MYO1B: variants seen among roughly 807,000 people sequenced by gnomAD.
The protein encoded by MYO1B is unconventional myosin-Ib.
A neutral mutation model predicts 159.7 loss-of-function variants in MYO1B; 72 were observed. The observed-to-expected ratio is 0.45, with a 90% CI of 0.37 to 0.55. MYO1B has a LOEUF of 0.55. MYO1B is among the 20% of genes least tolerant of loss of function. MYO1B has a pLI of 0.00. For missense variants in MYO1B, 1,062 were observed against 1,364.8 expected (o/e 0.78, Z 3.50); for synonymous variants, 468 against 473.8 (o/e 0.99, Z 0.16).
At chr2:191,422,187 TTGAC>T (rs2126201093) in intron 30 of MYO1B, among the ~76,000 whole-genome samples, 1 of 152,324 alleles carries the variant, frequency 6.6e-6, no homozygotes, top group East Asian at 1.9e-4. Flanking sequence ...TAATGTGCCA[TTGAC>T]TGAGAAAACC....
intron 30 of MYO1B, among the ~76,000 whole-genome samples, chr2:191,416,769 G>A (rs1449275986): frequency 3.9e-5 from 6 of 151,954 alleles, no homozygotes; most frequent in Admixed American, 2.6e-4. Context: ...AGCCGAGATC[G>A]TGCCACCGCA....
At chr2:191,258,351 G>A (rs536870661) in intron 1 of MYO1B, among the ~76,000 whole-genome samples, 2 of 152,290 alleles carry the variant, frequency 1.3e-5, no homozygotes, top group South Asian at 4.1e-4. Flanking sequence ...CACCTCTCTA[G>A]GGCACTTATG....
chr2:191,413,984 TC>T (rs1697406040), intron 27 of MYO1B, 63 bp from the exon 28 acceptor site: 4 of 1,525,788 alleles, frequency 2.6e-6, no homozygotes, highest in Non-Finnish European at 8.8e-7. Context: ...CTGACCTGTT[TC>T]CTTTTTTTAG....
intron 13 of MYO1B, among the ~76,000 whole-genome samples, chr2:191,379,928 G>A (rs1485735329): frequency 1.3e-5 from 2 of 152,144 alleles, no homozygotes; most frequent in Admixed American, 1.3e-4. Flanking sequence ...TAAAAAATTT[G>A]TGTGAAAATG....
At position 191,245,450 on chromosome 2, in the gene MYO1B, T is replaced by C. The variant is rs996318638; in HGVS notation, c.-186T>C. ...GCACGGGAGCCTCAACCGCGGCGCGTGGAGGCAGTACCAGAGCGCGCGGCG... is the reference window on the plus strand; with the variant it reads ...GCACGGGAGCCTCAACCGCGGCGCGCGGAGGCAGTACCAGAGCGCGCGGCG... On this transcript the variant is annotated 5_prime_UTR_variant, in exon 1 of 31. Transcript: ENST00000392318. 38 of 151,782 alleles carry C rather than the reference T, an allele frequency of 2.5e-4. No individual in the cohort carries two copies. Among genetic ancestry groups the C allele is most frequent in the African/African-American group, 6.0e-4 (25 of 41,326 alleles). The allele number at this position is 151,782 out of a possible 1,614,324, so 9.4% of individuals were successfully genotyped here.
intron 7 of MYO1B, among the ~76,000 whole-genome samples, chr2:191,356,710 C>T (rs1693315944): frequency 6.6e-6 from 1 of 152,026 alleles, no homozygotes. Flanking sequence ...AAGATAGGAC[C>T]AGATATTTCA....
At chr2:191,304,384 A>G (rs904048057) in intron 3 of MYO1B, among the ~76,000 whole-genome samples, 1 of 152,186 alleles carries the variant, frequency 6.6e-6, no homozygotes, top group Non-Finnish European at 1.5e-5. Flanking sequence ...TAGCCTGACC[A>G]ACATGGAGAA....
At chr2:191,375,757 A>G (rs902359067) in intron 13 of MYO1B, among the ~76,000 whole-genome samples, 2 of 152,036 alleles carry the variant, frequency 1.3e-5, no homozygotes, top group African/African-American at 2.4e-5. Flanking sequence ...TCAGGAGTTC[A>G]AGACCAGCCT....
intron 11 of MYO1B, among the ~76,000 whole-genome samples, chr2:191,368,213 C>T (rs1694132661): frequency 6.6e-6 from 1 of 152,108 alleles, no homozygotes; most frequent in African/African-American, 2.4e-5. Flanking sequence ...GAAAGTATTC[C>T]CACATAATCT....
At chr2:191,355,484 T>C (rs542941925) in intron 7 of MYO1B, among the ~76,000 whole-genome samples, 3 of 152,342 alleles carry the variant, frequency 2.0e-5, no homozygotes, top group Non-Finnish European at 4.4e-5. Context: ...GTGGCTTTAT[T>C]ACTGTTAAAG....
chr2:191,275,345 C>G (rs1251510509), intron 1 of MYO1B, among the ~76,000 whole-genome samples: 1 of 136,040 alleles, frequency 7.4e-6, no homozygotes, highest in African/African-American at 2.6e-5. Flanking sequence ...ATAAATTCAT[C>G]TTAGTCTCTC....
intron 12 of MYO1B, 78 bp from the exon 13 acceptor site, chr2:191,370,149 A>C: frequency 1.1e-6 from 1 of 900,950 alleles, no homozygotes; most frequent in Non-Finnish European, 1.8e-6. Flanking sequence ...AATTTGTAAT[A>C]TATATCTATG....
At chr2:191,330,790 C>T (rs1691420008) in intron 4 of MYO1B, among the ~76,000 whole-genome samples, 1 of 152,120 alleles carries the variant, frequency 6.6e-6, no homozygotes, top group Non-Finnish European at 1.5e-5. Flanking sequence ...AAAGTTTCAT[C>T]TGTAAAATGC....
intron 7 of MYO1B, among the ~76,000 whole-genome samples, chr2:191,356,559 T>A (rs1693305113): frequency 6.6e-6 from 1 of 152,098 alleles, no homozygotes; most frequent in Non-Finnish European, 1.5e-5. Context: ...ACGTTTACCA[T>A]GAAAAAAGAC....
chr2:191,353,619 T>TG (rs1303851872), intron 7 of MYO1B, among the ~76,000 whole-genome samples: 3 of 152,210 alleles, frequency 2.0e-5, no homozygotes, highest in Non-Finnish European at 4.4e-5. Flanking sequence ...ATCCATTATT[T>TG]GGGGCATACC....
chr2:191,388,737 G>A (rs902113588), intron 17 of MYO1B, among the ~76,000 whole-genome samples: 1 of 151,514 alleles, frequency 6.6e-6, no homozygotes, highest in Non-Finnish European at 1.5e-5. Context: ...ATTTTATTGA[G>A]GTATCATTTA....
chr2:191,379,846 A>T (rs756810608), intron 13 of MYO1B, among the ~76,000 whole-genome samples: 1 of 152,234 alleles, frequency 6.6e-6, no homozygotes, highest in Non-Finnish European at 1.5e-5. Flanking sequence ...TAATAATAAT[A>T]AGGCATCTAT....
At chr2:191,291,043 A>G (rs1466695512) in intron 2 of MYO1B, among the ~76,000 whole-genome samples, 5 of 152,194 alleles carry the variant, frequency 3.3e-5, no homozygotes, top group Non-Finnish European at 7.3e-5. Context: ...GCCGTTCCCT[A>G]CATCATTGAA....
rs1574329808 is a variant in MYO1B, at chr2:191,281,652, G to A, written c.135+4622G>A. On this transcript the variant is annotated intron_variant, in intron 2 of 30. Coordinates refer to ENST00000392318, the MANE Select transcript of MYO1B (RefSeq NM_001130158.3). ...GCAGAGCTGAGATCCGGCCAGACAT[G>A]TTCTGTTTTTAGGGTGACTGGTCAG... Among the ~76,000 whole-genome samples, 4 of 151,892 alleles carry A rather than the reference G, an allele frequency of 2.6e-5. 1 individual carries two copies. In the South Asian group the frequency reaches 8.3e-4, roughly 31 times the overall value.
Sources: allele counts gnomAD v4.1 joint callset (sites outside exome capture counted in the v4.1 genomes callset), GRCh38; gene constraint gnomAD v4.1.1; transcripts MANE v1.5; gene names NCBI Gene and HGNC (gene_info 2026-07-23, HGNC 2026-07-21).